The following DSC3 variants were observed in gnomAD, a reference collection of about 807,000 sequenced individuals.
DSC3 encodes the protein desmocollin 3.
In DSC3, 97 loss-of-function variants were observed where a neutral mutation model predicts 89.5. The ratio of observed to expected loss-of-function variants is 1.08; its 90% confidence interval spans 0.92 to 1.28. The LOEUF is 1.28. DSC3 is among the 50% of genes most tolerant of loss of function. DSC3 has a pLI of 0.00. For missense variants in DSC3, 1,199 were observed against 1,085.3 expected (o/e 1.10, Z -1.47); for synonymous variants, 436 against 384.1 (o/e 1.14, Z -1.58).
At chr18:31,039,381 T>C (rs1320291286) in intron 1 of DSC3, among the ~76,000 whole-genome samples, 1 of 152,152 alleles carries the variant, frequency 6.6e-6, no homozygotes, top group Non-Finnish European at 1.5e-5. Context: ...ACACCCTACT[T>C]CAGTAGAGAA....
In DSC3 at chr18:31,008,306, C is replaced by A; in HGVS notation, c.1483G>T (p.Ala495Ser). 6.2e-7 allele frequency: 1 copy of A among 1,613,982 alleles called. No individual in the cohort carries two copies. Among genetic ancestry groups the A allele is most frequent in the Non-Finnish European group, 8.5e-7 (1 of 1,179,988 alleles). Reference sequence around the variant, plus strand: ...CCATTTCTATTTTCGGGGTCATATGCCTTATAGCCGTTGATCTTTGACCCC... The same window carrying A: ...CCATTTCTATTTTCGGGGTCATATGACTTATAGCCGTTGATCTTTGACCCC... ...AVGSKINGYK[A>S]YDPENRNGNG... Residue 495 changes from alanine (A) to serine (S), a missense_variant, in exon 10 of 16, where the codon GCA becomes TCA. Physicochemically the swap from Ala to Ser is moderately conservative, Grantham distance 99. Coordinates refer to ENST00000360428, the MANE Select transcript of DSC3 (RefSeq NM_001941.5).
chr18:31,021,068 T>A (rs1386907508), intron 7 of DSC3, among the ~76,000 whole-genome samples: 2 of 151,406 alleles, frequency 1.3e-5, no homozygotes, highest in Non-Finnish European at 1.5e-5. Context: ...TTTTTTTTTT[T>A]ATCTCCCATC....
At chr18:31,019,023 T>A (rs931369107) in intron 7 of DSC3, among the ~76,000 whole-genome samples, 2 of 152,226 alleles carry the variant, frequency 1.3e-5, no homozygotes, top group Non-Finnish European at 2.9e-5. Flanking sequence ...TCAGAAATTA[T>A]GCTTTAAGTA....
intron 3 of DSC3, among the ~76,000 whole-genome samples, chr18:31,030,720 C>T (rs1985757127): frequency 1.4e-5 from 2 of 139,464 alleles, no homozygotes; most frequent in South Asian, 4.4e-4. Flanking sequence ...GGGAAGGTGA[C>T]AGGGAGGGAA....
At chr18:31,020,563 C>A (rs544189426) in intron 7 of DSC3, among the ~76,000 whole-genome samples, 1 of 152,212 alleles carries the variant, frequency 6.6e-6, no homozygotes, top group Admixed American at 6.5e-5. Flanking sequence ...GTCACGCTTT[C>A]ATTCTTTTAT....
At chr18:31,018,305 ACTTT>A in intron 8 of DSC3, 49 bp from the exon 9 acceptor site, 2 of 1,491,168 alleles carry the variant, frequency 1.3e-6, no homozygotes, top group Admixed American at 3.8e-5. Context: ...TTTATAGACA[ACTTT>A]AAAAAAAAGT....
At chr18:31,022,892 T>C (rs1297727432) in intron 6 of DSC3, among the ~76,000 whole-genome samples, 1 of 152,218 alleles carries the variant, frequency 6.6e-6, no homozygotes, top group Non-Finnish European at 1.5e-5. Context: ...GATTAATAGC[T>C]AAATCAAGAC....
chr18:31,031,202 T>C (rs1312671414), intron 2 of DSC3, 30 bp from the exon 3 acceptor site: 2 of 1,488,406 alleles, frequency 1.3e-6, no homozygotes, highest in East Asian at 4.6e-5. Flanking sequence ...AGTTGTAAGG[T>C]AAAAACACAT....
intron 1 of DSC3, among the ~76,000 whole-genome samples, chr18:31,037,379 T>A (rs1017022051): frequency 3.3e-5 from 5 of 152,212 alleles, no homozygotes; most frequent in Non-Finnish European, 5.9e-5. Context: ...AGGTTTCTTT[T>A]CTTTTAATCC....
intron 4 of DSC3, among the ~76,000 whole-genome samples, chr18:31,028,567 A>C (rs1345632862): frequency 2.0e-5 from 3 of 152,186 alleles, no homozygotes; most frequent in East Asian, 1.9e-4. Context: ...CTAGGGTAGA[A>C]TAAAAAATAA....
In DSC3 at chr18:31,029,470, G is replaced by A. The variant is rs753628214; in HGVS notation, c.474+39C>T. On this transcript the variant is annotated intron_variant, in intron 4 of 15. Coordinates refer to ENST00000360428, the MANE Select transcript of DSC3 (RefSeq NM_001941.5). ...TAAATCTCAATGAAACAGACTCTTAGAATTAAAGCAACCCTGACCAGAAAA... is the reference window on the plus strand; with the variant it reads ...TAAATCTCAATGAAACAGACTCTTAAAATTAAAGCAACCCTGACCAGAAAA... 13 of 1,612,092 alleles carry A rather than the reference G, an allele frequency of 8.1e-6. No individual in the cohort carries two copies. The Admixed American group carries it at 8.3e-5, about 10-fold the overall frequency.
rs564354689 is a variant in DSC3, at chr18:30,991,247, C to T, written c.*2928G>A. On this transcript the variant is annotated 3_prime_UTR_variant, in exon 16 of 16. Coordinates refer to ENST00000360428, the MANE Select transcript of DSC3 (RefSeq NM_001941.5). Reference sequence around the variant, plus strand: ...CCCACTGCATTTTAGACAGCTGCTTCCTTATAAAAGTAAGAAAAAACATTC... The same window carrying T: ...CCCACTGCATTTTAGACAGCTGCTTTCTTATAAAAGTAAGAAAAAACATTC... The T allele has an allele frequency of 3.3e-5, 5 of 152,674 alleles. No individual in the cohort carries two copies. The highest frequency in any genetic ancestry group is 7.4e-5 in the Non-Finnish European group (5 of 68,026). The allele number at this position is 152,674 out of a possible 1,614,324, so 9.5% of individuals were successfully genotyped here. A position where few individuals can be genotyped will look rare whatever the true frequency, so the allele number is the denominator to read the frequency against.
Position 31,004,140 on chromosome 18 carries a change from A to T in DSC3, c.2113+2T>A. 1 of 1,602,158 alleles carries T rather than the reference A, an allele frequency of 6.2e-7. No individual in the cohort carries two copies. Among genetic ancestry groups the T allele is most frequent in the East Asian group, 2.2e-5 (1 of 44,798 alleles). ...TAACTTCAAGAAAGTGAAAATACTT[A>T]CAAAAGAGCAGTGCTATACCCAGTA... is the stretch of plus-strand genomic sequence containing the variant. On this transcript the variant is annotated splice_donor_variant, in intron 13 of 15. Transcript: ENST00000360428. LOFTEE classifies it high-confidence loss of function.
chr18:31,037,897 CAA>C (rs567216995), intron 1 of DSC3, among the ~76,000 whole-genome samples: 3 of 137,190 alleles, frequency 2.2e-5, no homozygotes, highest in Non-Finnish European at 1.6e-5. Context: ...AACTCCATCT[CAA>C]AAAAAAAAAA....
In DSC3 at chr18:30,998,297, C is replaced by A. The variant is rs140705676; in HGVS notation, c.2236-1249G>T. ...CCTACAAGTATCTAGATGGATGAGG[C>A]AATCAAGGACAGAGTTAGAAATTAT... is the stretch of plus-strand genomic sequence containing the variant. On this transcript the variant is annotated intron_variant, in intron 14 of 15. Transcript: ENST00000360428. 1.1e-3 allele frequency among the ~76,000 whole-genome samples: 169 copies of A among 152,076 alleles called. 3 individuals carry two copies. The East Asian group carries it at 0.027, about 24-fold the overall frequency.
At position 30,989,847 on chromosome 18, in the gene DSC3, G is replaced by C. The variant is rs890724437; in HGVS notation, c.*4328C>G. On this transcript the variant is annotated 3_prime_UTR_variant, in exon 16 of 16. Transcript: ENST00000360428. ...CTTAAATTAAAAATGTTATCAGGTT[G>C]ATAGGTGCAGCAAACCACCATGGGA... Among the ~76,000 whole-genome samples, 3 of 152,126 alleles carry C rather than the reference G, an allele frequency of 2.0e-5. No individual in the cohort carries two copies. The South Asian group carries it at 6.2e-4, about 32-fold the overall frequency.
At position 31,001,724 on chromosome 18, in the gene DSC3, A is replaced by G; in HGVS notation, c.2129T>C (p.Leu710Ser). Residue 710 changes from leucine (L) to serine (S), a missense_variant, in exon 14 of 16, where the codon TTA becomes TCA. By Grantham distance (145) the Leu-to-Ser change is moderately radical. Transcript: ENST00000360428. ...AGTTGCACCAAAAACTCCACATACTAAAGTTAGCAATACAGCTGAATTTAA... is the reference window on the plus strand; with the variant it reads ...AGTTGCACCAAAAACTCCACATACTGAAGTTAGCAATACAGCTGAATTTAA... The part of the protein sequence containing the change: ...IALLFSVLLT[L>S]VCGVFGATKG... The G allele has an allele frequency of 6.2e-7, 1 of 1,605,320 alleles. No homozygotes were observed. Among genetic ancestry groups the G allele is most frequent in the South Asian group, 1.1e-5 (1 of 88,330 alleles).
At chr18:31,041,104 A>AC (rs1986115899) in intron 1 of DSC3, among the ~76,000 whole-genome samples, 2 of 151,744 alleles carry the variant, frequency 1.3e-5, no homozygotes, top group African/African-American at 4.8e-5. Context: ...CGACACCCCC[A>AC]CCCATGCCTT....
chr18:31,013,850 A>G (rs1447878357), intron 9 of DSC3, among the ~76,000 whole-genome samples: 1 of 152,184 alleles, frequency 6.6e-6, no homozygotes, highest in African/African-American at 2.4e-5. Context: ...AAGCAACCAC[A>G]GAAAAAAATA....
Sources: gnomAD v4.1 joint callset for allele counts (sites outside exome capture counted in the v4.1 genomes callset) on GRCh38, gnomAD v4.1.1 for gene constraint, MANE v1.5 for transcripts, NCBI Gene and HGNC (gene_info 2026-07-23, HGNC 2026-07-21) for gene names.